The following LTBP1 variants were observed in gnomAD, a reference collection of about 807,000 sequenced individuals.
LTBP1 encodes the protein latent-transforming growth factor beta-binding protein 1.
A neutral mutation model predicts 207.6 loss-of-function variants in LTBP1; 129 were observed. That is an observed-to-expected ratio of 0.62 (90% CI 0.54 to 0.72). The LOEUF (loss-of-function observed/expected upper bound fraction) is 0.72. LTBP1 is among the 30% of genes least tolerant of loss of function. LTBP1 has a pLI of 0.00. For synonymous variants in LTBP1, 963 were observed against 833.7 expected (o/e 1.16, Z -2.67); for missense variants, 2,281 against 2,217.2 (o/e 1.03, Z -0.58).
intron 26 of LTBP1, among the ~76,000 whole-genome samples, chr2:33,352,382 G>A (rs1178841445): frequency 4.6e-5 from 7 of 151,936 alleles, no homozygotes; most frequent in Non-Finnish European, 7.4e-5. Flanking sequence ...CACCTGCCTC[G>A]GCCTTCCAAA....
chr2:32,970,591 G>A (rs1558454691), intron 2 of LTBP1, among the ~76,000 whole-genome samples: 1 of 152,092 alleles, frequency 6.6e-6, no homozygotes. Context: ...TTATGTCTGG[G>A]TTCTCTATTC....
chr2:33,249,405 G>C (rs1013610371), intron 10 of LTBP1, among the ~76,000 whole-genome samples: 6 of 150,888 alleles, frequency 4.0e-5, no homozygotes, highest in Non-Finnish European at 2.9e-5. Context: ...ATACATTAGA[G>C]TAGTATGTCT....
At chr2:33,328,233 T>C (rs1181279475) in intron 24 of LTBP1, among the ~76,000 whole-genome samples, 1 of 151,986 alleles carries the variant, frequency 6.6e-6, no homozygotes, top group Non-Finnish European at 1.5e-5. Flanking sequence ...CAAGCATTTA[T>C]AGTGAGCATA....
At chr2:33,179,959 C>T (rs1428907121) in intron 5 of LTBP1, among the ~76,000 whole-genome samples, 2 of 152,182 alleles carry the variant, frequency 1.3e-5, no homozygotes, top group East Asian at 1.9e-4. Context: ...TCCCTTTCTC[C>T]CTGCCTCTTA....
chr2:33,077,619 G>A (rs919579799), intron 3 of LTBP1, among the ~76,000 whole-genome samples: 2 of 152,130 alleles, frequency 1.3e-5, no homozygotes, highest in Middle Eastern at 3.2e-3. Flanking sequence ...CATTTATGAA[G>A]AGTCCACCCC....
intron 15 of LTBP1, among the ~76,000 whole-genome samples, chr2:33,264,069 C>G (rs1403062224): frequency 1.3e-5 from 2 of 151,360 alleles, no homozygotes; most frequent in African/African-American, 4.9e-5. Context: ...TCCTGGCTAA[C>G]ACGGTGAAAC....
At chr2:33,073,136 A>G (rs1464856609) in intron 3 of LTBP1, among the ~76,000 whole-genome samples, 1 of 152,202 alleles carries the variant, frequency 6.6e-6, no homozygotes, top group Non-Finnish European at 1.5e-5. Context: ...ACCTGATTGC[A>G]TGGTTTGAGG....
chr2:33,276,508 C>A (rs1469104065), intron 18 of LTBP1, among the ~76,000 whole-genome samples: 1 of 152,214 alleles, frequency 6.6e-6, no homozygotes, highest in Non-Finnish European at 1.5e-5. Flanking sequence ...TTATCCTTTT[C>A]ATATTTCTTT....
chr2:33,287,305 G>A (rs903456883), intron 19 of LTBP1, among the ~76,000 whole-genome samples: 3 of 152,170 alleles, frequency 2.0e-5, no homozygotes, highest in East Asian at 1.9e-4. Context: ...AAGGTTATAG[G>A]TAATAAATGT....
intron 4 of LTBP1, among the ~76,000 whole-genome samples, chr2:33,129,934 TTCCA>T (rs1189788388): frequency 6.6e-6 from 1 of 152,162 alleles, no homozygotes; most frequent in African/African-American, 2.4e-5. Context: ...TTGGAGGGTT[TTCCA>T]GGACTGGGGC....
At chr2:32,948,078 G>A (rs1178893048) in intron 1 of LTBP1, among the ~76,000 whole-genome samples, 1 of 150,448 alleles carries the variant, frequency 6.6e-6, no homozygotes, top group Non-Finnish European at 1.5e-5. Context: ...ATTTCTGCCT[G>A]GGGCGTAACC....
At chr2:32,977,858 G>A (rs1332826635) in intron 2 of LTBP1, among the ~76,000 whole-genome samples, 16 of 152,156 alleles carry the variant, frequency 1.1e-4, no homozygotes, top group Non-Finnish European at 1.9e-4. Context: ...CAGCTTGTAG[G>A]ATCAGTGTTC....
At chr2:33,354,757 T>G (rs1165172040) in intron 26 of LTBP1, among the ~76,000 whole-genome samples, 1 of 151,820 alleles carries the variant, frequency 6.6e-6, no homozygotes, top group Non-Finnish European at 1.5e-5. Context: ...TTTTTATTTT[T>G]TTGAGACAGG....
intron 2 of LTBP1, among the ~76,000 whole-genome samples, chr2:32,991,212 G>A (rs1684360108): frequency 1.3e-5 from 2 of 152,058 alleles, no homozygotes; most frequent in East Asian, 1.9e-4. Flanking sequence ...ATATTTGCCC[G>A]CATTAATACC....
In LTBP1 at chr2:33,219,661, A is replaced by G. The variant is rs531742444; in HGVS notation, c.1804+2007A>G. 5.3e-5 allele frequency among the ~76,000 whole-genome samples: 8 copies of G among 152,268 alleles called. No homozygotes were observed. In the East Asian group the frequency reaches 1.4e-3, roughly 26 times the overall value. On this transcript the variant is annotated intron_variant, in intron 8 of 33. Transcript: ENST00000404816. The stretch of plus-strand genomic sequence containing the variant: ...TAAGGATGAGGGAAGTTAGGTTCAT[A>G]GAACTTTGTTTTGGTCCTAAGTCTA...
intron 3 of LTBP1, among the ~76,000 whole-genome samples, chr2:33,094,110 A>T (rs1407546777): frequency 6.6e-6 from 1 of 152,184 alleles, no homozygotes; most frequent in African/African-American, 2.4e-5. Flanking sequence ...AGAGTTTTTC[A>T]TATTTGCAGA....
intron 2 of LTBP1, among the ~76,000 whole-genome samples, chr2:32,990,231 C>T (rs1684200950): frequency 6.6e-6 from 1 of 152,196 alleles, no homozygotes; most frequent in South Asian, 2.1e-4. Context: ...AGGCCTCTGG[C>T]CAATAAGCTC....
At chr2:33,203,524 G>A (rs2089552788) in intron 7 of LTBP1, among the ~76,000 whole-genome samples, 1 of 152,158 alleles carries the variant, frequency 6.6e-6, no homozygotes, top group Non-Finnish European at 1.5e-5. Flanking sequence ...TGTCTTCTGG[G>A]AACCAAAGAG....
chr2:32,965,656 G>T (rs28814396), intron 2 of LTBP1, among the ~76,000 whole-genome samples: 1 of 152,088 alleles, frequency 6.6e-6, no homozygotes, highest in African/African-American at 2.4e-5. Flanking sequence ...TGGCTTGATA[G>T]CACGTGTCTT....
Sources: allele counts gnomAD v4.1 joint callset (sites outside exome capture counted in the v4.1 genomes callset), GRCh38; gene constraint gnomAD v4.1.1; transcripts MANE v1.5; gene names NCBI Gene and HGNC (gene_info 2026-07-23, HGNC 2026-07-21).